The following ASCC2 variants were observed in gnomAD, a reference collection of about 807,000 sequenced individuals.
ASCC2 encodes ASC-1 complex subunit P100.
A neutral mutation model predicts 93.5 loss-of-function variants in ASCC2; 42 were observed. The ratio of observed to expected loss-of-function variants is 0.45; its 90% CI spans 0.35 to 0.58. The LOEUF (loss-of-function observed/expected upper bound fraction) is 0.58, where lower values mean the gene tolerates loss of function less well. Among genes scored for constraint, ASCC2 ranks in the 20% least tolerant of loss-of-function variants. ASCC2 has a pLI of 0.00. For synonymous variants in ASCC2, 364 were observed against 384.2 expected, an observed-to-expected ratio of 0.95 and a Z score of 0.62; for missense variants, 859 against 977.6, an observed-to-expected ratio of 0.88 and a Z score of 1.62.
rs141210601 is a variant in ASCC2, at chr22:29,817,545, C to T, written c.542-1472G>A. ...AGGTGTCACCTCCTCCACGCAGTGC[C>T]TCCTGACCCAGGCATTAGGAGAGGT... On this transcript the variant is annotated intron_variant, in intron 5 of 19. Coordinates refer to ENST00000307790, the MANE Select transcript of ASCC2 (RefSeq NM_032204.5). Among the ~76,000 whole-genome samples the T allele has an allele frequency of 2.7e-3, 412 of 152,258 alleles. 1 individual carries two copies. The highest frequency in any genetic ancestry group is 9.2e-3 in the African/African-American group (384 of 41,566).
At chr22:29,838,058 G>A (rs934712648) in intron 1 of ASCC2, 120 bp downstream of exon 1, 1 of 419,400 alleles carries the variant, frequency 2.4e-6, no homozygotes, top group African/African-American at 2.1e-5. Flanking sequence ...CTCAGGTAGC[G>A]TAAGCGTGGG....
chr22:29,792,371 C>T (rs1410236846), intron 18 of ASCC2, 62 bp downstream of exon 18: 5 of 1,599,546 alleles, frequency 3.1e-6, no homozygotes, highest in Non-Finnish European at 4.3e-6. Context: ...GGTGAGGGGC[C>T]CTTCTGATTC....
In ASCC2 at chr22:29,832,361, GGAA is replaced by G; in HGVS notation, c.-17-22_-17-20del. The G allele has an allele frequency of 1.9e-6, 3 of 1,579,136 alleles. No individual in the cohort carries two copies. Among genetic ancestry groups the G allele is most frequent in the Non-Finnish European group, 2.6e-6 (3 of 1,149,020 alleles). On this transcript the variant is annotated intron_variant, in intron 1 of 19. Transcript: ENST00000307790. ...GACCCTCCTGAAAGGAATATGGATGGGAAGAAGAGAGCAGACACACAGACTCCT... is the reference window on the plus strand; with the variant it reads ...GACCCTCCTGAAAGGAATATGGATGGGAAGAGAGCAGACACACAGACTCCT...
At chr22:29,799,846 G>T (rs2147603328) in intron 15 of ASCC2, among the ~76,000 whole-genome samples, 1 of 152,206 alleles carries the variant, frequency 6.6e-6, no homozygotes. Context: ...GGAGTACAGT[G>T]GCACGATCAC....
At chr22:29,819,947 C>T (rs2061354864) in intron 5 of ASCC2, among the ~76,000 whole-genome samples, 2 of 152,050 alleles carry the variant, frequency 1.3e-5, no homozygotes, top group African/African-American at 4.8e-5. Flanking sequence ...ACAGCCTCAA[C>T]ATCCTAGGTT....
At chr22:29,809,708 G>A (rs1429557187) in intron 8 of ASCC2, among the ~76,000 whole-genome samples, 8 of 152,078 alleles carry the variant, frequency 5.3e-5, no homozygotes, top group Admixed American at 4.6e-4. Flanking sequence ...GAATCTGGGA[G>A]GTGGAGGTTG....
At chr22:29,835,772 G>A (rs2063706961) in intron 1 of ASCC2, among the ~76,000 whole-genome samples, 1 of 152,152 alleles carries the variant, frequency 6.6e-6, no homozygotes, top group Non-Finnish European at 1.5e-5. Context: ...GACACTTTGG[G>A]CTTCCTGGTT....
At position 29,837,982 on chromosome 22, in the gene ASCC2, G is replaced by A. The variant is rs147447411; in HGVS notation, c.-18+196C>T. Among the ~76,000 whole-genome samples, 1,150 of 152,304 alleles carry A rather than the reference G, an allele frequency of 7.6e-3. 10 individuals are homozygous for A. Among genetic ancestry groups the A allele is most frequent in the African/African-American group, 0.027 (1,109 of 41,550 alleles). On this transcript the variant is annotated intron_variant, in intron 1 of 19. Coordinates refer to ENST00000307790, the MANE Select transcript of ASCC2 (RefSeq NM_032204.5). ...TCGTGGCTGGTCCAACGCCACTCTG[G>A]GGCCGAACTTCGAACCCGTGGCTCC...
intron 1 of ASCC2, among the ~76,000 whole-genome samples, chr22:29,836,653 C>G (rs574221524): frequency 2.0e-5 from 3 of 152,000 alleles, no homozygotes; most frequent in African/African-American, 7.2e-5. Flanking sequence ...CTCTGTCTCC[C>G]GGGTTCAAGA....
intron 15 of ASCC2, among the ~76,000 whole-genome samples, chr22:29,795,643 C>T (rs923021459): frequency 2.6e-5 from 4 of 152,150 alleles, no homozygotes; most frequent in African/African-American, 9.7e-5. Flanking sequence ...GTTTGGAAGC[C>T]CAACTCTGGT....
chr22:29,788,695 T>A lies in ASCC2; in HGVS notation c.*318A>T. ...CCTGCTGTCCAGGGTAAAGGGGAAG[T>A]GGTGTCTTGTGGCCCGAGGTTTGGG... is the stretch of plus-strand genomic sequence containing the variant. On this transcript the variant is annotated 3_prime_UTR_variant, in exon 20 of 20. Transcript: ENST00000307790. 1 of 401,092 alleles carries A rather than the reference T, an allele frequency of 2.5e-6. No homozygotes were observed. The highest frequency in any genetic ancestry group is 4.6e-6 in the Non-Finnish European group (1 of 217,280). 24.8% of individuals were successfully genotyped at this position (401,092 alleles called of 1,614,324 possible). A position where few individuals can be genotyped will look rare whatever the true frequency, so the allele number is the denominator to read the frequency against.
At chr22:29,834,639 T>G in intron 1 of ASCC2, 1 of 448,060 alleles carries the variant, frequency 2.2e-6, no homozygotes, top group Non-Finnish European at 4.6e-6. Context: ...TAATATCCTC[T>G]GCTGCACGTA....
At chr22:29,835,944 G>C (rs1404340808) in intron 1 of ASCC2, among the ~76,000 whole-genome samples, 4 of 152,088 alleles carry the variant, frequency 2.6e-5, no homozygotes, top group Admixed American at 2.0e-4. Flanking sequence ...TGAAGGATGG[G>C]GGAAAAGGTG....
In ASCC2 at chr22:29,825,887, C is replaced by T. The variant is rs2062238042; in HGVS notation, c.82-107G>A. On this transcript the variant is annotated intron_variant, in intron 2 of 19. Transcript: ENST00000307790. This position sits in a 1 kb window ranked among gnomAD's most constrained non-coding sequence, Gnocchi z 4.9. ...CTTGGCTGTTCCAACCGGTGACCCT[C>T]CAAGGAGCTTTTAAGCATAAAGAAC... 9.6e-6 allele frequency: 13 copies of T among 1,350,896 alleles called. No homozygotes were observed. In the Admixed American group the frequency reaches 3.0e-4, roughly 31 times the overall value. The allele number at this position is 1,350,896 out of a possible 1,614,324, so 83.7% of individuals were successfully genotyped here.
At position 29,825,370 on chromosome 22, in the gene ASCC2, G is replaced by C; in HGVS notation, c.241-113C>G. The C allele has an allele frequency of 7.5e-7, 1 of 1,324,566 alleles. No homozygotes were observed. The highest frequency in any genetic ancestry group is 1.5e-5 in the South Asian group (1 of 68,676). The allele number at this position is 1,324,566 out of a possible 1,614,324, so 82.1% of individuals were successfully genotyped here. A position where few individuals can be genotyped will look rare whatever the true frequency, so the allele number is the denominator to read the frequency against. On this transcript the variant is annotated intron_variant, in intron 3 of 19. Coordinates refer to ENST00000307790, the MANE Select transcript of ASCC2 (RefSeq NM_032204.5). This position sits in a 1 kb window ranked among gnomAD's most constrained non-coding sequence, Gnocchi z 4.9. ...AGCCCTGCCCTATTCCAAACACTCC[G>C]ACCCCAAGGGACCAAGGAGGTATGA...
chr22:29,836,574 T>G (rs1007855123), intron 1 of ASCC2: 2 of 152,090 alleles, frequency 1.3e-5, no homozygotes, highest in Non-Finnish European at 2.9e-5. Flanking sequence ...CATTCCTTTT[T>G]TTTTGAGATG....
rs5752965 is a variant in ASCC2 at position 29,817,518 on chromosome 22, G to C, written c.542-1445C>G. ...TTCCTAGAGCTAACTCCACCATAAGGCAGGTGTCACCTCCTCCACGCAGTG... is the reference window on the plus strand; with the variant it reads ...TTCCTAGAGCTAACTCCACCATAAGCCAGGTGTCACCTCCTCCACGCAGTG... On this transcript the variant is annotated intron_variant, in intron 5 of 19. Transcript: ENST00000307790. Among the ~76,000 whole-genome samples the C allele has an allele frequency of 2.3e-3, 357 of 152,136 alleles. 5 individuals carry two copies. In the East Asian group the frequency reaches 0.044, roughly 19 times the overall value.
intron 15 of ASCC2, among the ~76,000 whole-genome samples, chr22:29,796,202 G>C (rs994213399): frequency 6.6e-6 from 1 of 152,026 alleles, no homozygotes; most frequent in South Asian, 2.1e-4. Context: ...TCCACCAGCC[G>C]GGTTCAAGCG....
intron 12 of ASCC2, 104 bp downstream of exon 12, chr22:29,806,112 T>G: frequency 7.6e-7 from 1 of 1,317,372 alleles, no homozygotes; most frequent in Non-Finnish European, 1.1e-6. Context: ...ACCCATGCGT[T>G]CTGGGGCTAA....
Sources: gnomAD v4.1 joint callset for allele counts (sites outside exome capture counted in the v4.1 genomes callset) on GRCh38, gnomAD v4.1.1 for gene constraint, Gnocchi (gnomAD v3.1) non-coding constraint, MANE v1.5 for transcripts, NCBI Gene and HGNC (gene_info 2026-07-23, HGNC 2026-07-21) for gene names.